CDH4: variants seen among roughly 807,000 people sequenced by gnomAD.
The protein encoded by CDH4 is cadherin-4.
Under a neutral mutation model 86.0 loss-of-function variants are expected in CDH4, and 33 were observed. That is an observed-to-expected ratio of 0.38 (90% CI 0.29 to 0.51). CDH4 has a LOEUF of 0.51. Ranked by LOEUF, CDH4 falls within the 20% of genes least tolerant of loss-of-function variation. The pLI is 0.86. For missense variants in CDH4, 1,114 were observed against 1,307.4 expected (o/e 0.85, Z 2.28); for synonymous variants, 555 against 549.4 (o/e 1.01, Z -0.14).
chr20:61,907,807 T>G lies in CDH4; in HGVS notation c.1189-2615T>G, dbSNP rs377603236. On this transcript the variant is annotated intron_variant, in intron 8 of 15. Transcript: ENST00000614565. ...GTCCCACACTAGACATCGGGAGTGG[T>G]GGGGGCGGTAGCTGTCCACTCTGGA... is the stretch of plus-strand genomic sequence containing the variant. Among the ~76,000 whole-genome samples, 5 of 152,190 alleles carry G rather than the reference T, an allele frequency of 3.3e-5. No individual in the cohort carries two copies. The East Asian group carries it at 9.7e-4, about 29-fold the overall frequency.
Position 61,408,570 on chromosome 20 carries a change from G to T in CDH4, c.169+153633G>T, listed in dbSNP as rs187238525. Among the ~76,000 whole-genome samples, 81 of 152,282 alleles carry T rather than the reference G, an allele frequency of 5.3e-4. 1 individual carries two copies. The highest frequency in any genetic ancestry group is 6.8e-3 in the Middle Eastern group (2 of 294). ...AGATGTTGCATTGCCTGTGTGTAGT[G>T]CCCCTGTGCTCAGAGGGTGAACAAA... On this transcript the variant is annotated intron_variant, in intron 2 of 15. Transcript: ENST00000614565.
At chr20:61,573,591 C>T (rs1419767813) in intron 2 of CDH4, among the ~76,000 whole-genome samples, 1 of 152,126 alleles carries the variant, frequency 6.6e-6, no homozygotes, top group East Asian at 1.9e-4. Flanking sequence ...GTGGGCACCC[C>T]AGGGCCATCC....
intron 2 of CDH4, among the ~76,000 whole-genome samples, chr20:61,507,196 A>G (rs2085747099): frequency 1.3e-5 from 2 of 152,204 alleles, no homozygotes; most frequent in Admixed American, 6.5e-5. Flanking sequence ...ATAAATATAT[A>G]CATCTTCCCC....
chr20:61,829,694 A>G lies in CDH4; in HGVS notation c.577-14974A>G, dbSNP rs1396870114. ...ACGGACTTGGACTCCAGGAGCCCCCAGGAGGCTCCCTCTGTGCCGACGCCC... is the reference window on the plus strand; with the variant it reads ...ACGGACTTGGACTCCAGGAGCCCCCGGGAGGCTCCCTCTGTGCCGACGCCC... On this transcript the variant is annotated intron_variant, in intron 4 of 15. Transcript: ENST00000614565. This position sits in a 1 kb window ranked among gnomAD's most constrained non-coding sequence, Gnocchi z 4.2. Among the ~76,000 whole-genome samples the G allele has an allele frequency of 6.6e-6, 1 of 152,140 alleles. No individual in the cohort carries two copies. Among genetic ancestry groups the G allele is most frequent in the African/African-American group, 2.4e-5 (1 of 41,438 alleles).
At chr20:61,343,444 T>C (rs931027382) in intron 2 of CDH4, among the ~76,000 whole-genome samples, 4 of 152,238 alleles carry the variant, frequency 2.6e-5, no homozygotes, top group African/African-American at 9.6e-5. Context: ...AATGTGTGTG[T>C]GCATGGGTGT....
intron 2 of CDH4, among the ~76,000 whole-genome samples, chr20:61,457,887 C>T: frequency 7.0e-6 from 1 of 143,152 alleles, no homozygotes. Context: ...ATGACTGACA[C>T]TAGTGGTGGT....
At chr20:61,653,470 T>G in intron 2 of CDH4, among the ~76,000 whole-genome samples, 1 of 132,948 alleles carries the variant, frequency 7.5e-6, no homozygotes. Flanking sequence ...CCAGACGGGG[T>G]CGTGGCCGGG....
rs2055239023 is a variant in CDH4, at chr20:61,939,570, C to T, written c.*2627C>T. 6.6e-6 allele frequency: 1 copy of T among 152,400 alleles called. No individual in the cohort carries two copies. The highest frequency in any genetic ancestry group is 2.4e-5 in the African/African-American group (1 of 41,484). The allele number at this position is 152,400 out of a possible 1,614,324, so 9.4% of individuals were successfully genotyped here. On this transcript the variant is annotated 3_prime_UTR_variant, in exon 16 of 16. Coordinates refer to ENST00000614565, the MANE Select transcript of CDH4 (RefSeq NM_001794.5). ...TGGGGTTCCTGCACCTTCCCAGCTC[C>T]ACCTCTGAACTTGAGTTAGCGTTAG...
rs1237526933 is a variant in CDH4 at position 61,510,526 on chromosome 20, ACCACTGTCTACTGCC to A, written c.170-233033_170-233019del. 6.6e-6 allele frequency among the ~76,000 whole-genome samples: 1 copy of A among 152,210 alleles called. No individual in the cohort carries two copies. Among genetic ancestry groups the A allele is most frequent in the African/African-American group, 2.4e-5 (1 of 41,458 alleles). On this transcript the variant is annotated intron_variant, in intron 2 of 15. Coordinates refer to ENST00000614565, the MANE Select transcript of CDH4 (RefSeq NM_001794.5). This position sits in a 1 kb window ranked among gnomAD's most constrained non-coding sequence, Gnocchi z 4.2. ...AGAGATTCGTTCCACATAAAATGCA[ACCACTGTCTACTGCC>A]CCAGGAATGGCCCACGGGTGTCGGG... is the stretch of plus-strand genomic sequence containing the variant.
intron 2 of CDH4, among the ~76,000 whole-genome samples, chr20:61,445,639 T>C (rs905927043): frequency 6.6e-6 from 1 of 152,228 alleles, no homozygotes; most frequent in Non-Finnish European, 1.5e-5. Context: ...ATTCTACTTT[T>C]AGTTCTAGAG....
chr20:61,907,549 A>T (rs1345127474), intron 8 of CDH4, among the ~76,000 whole-genome samples: 2 of 152,200 alleles, frequency 1.3e-5, no homozygotes, highest in African/African-American at 2.4e-5. Context: ...CCATGCCATG[A>T]TGCCTTGCAG....
chr20:61,838,822 T>TAAAA (rs11412264), intron 4 of CDH4, among the ~76,000 whole-genome samples: 1 of 123,466 alleles, frequency 8.1e-6, no homozygotes, highest in African/African-American at 3.4e-5. Context: ...AGACCCTGTC[T>TAAAA]AAAAAAAAAA....
chr20:61,777,928 A>G (rs1439882548), intron 4 of CDH4, among the ~76,000 whole-genome samples: 1 of 151,268 alleles, frequency 6.6e-6, no homozygotes, highest in East Asian at 2.0e-4. Context: ...ACATGTGCAT[A>G]CACGTGCATA....
chr20:61,801,042 G>C (rs1232120258), intron 4 of CDH4, among the ~76,000 whole-genome samples: 2 of 152,150 alleles, frequency 1.3e-5, no homozygotes, highest in African/African-American at 2.4e-5. Flanking sequence ...GTCAGTTTGG[G>C]CACTGCAACC....
intron 2 of CDH4, among the ~76,000 whole-genome samples, chr20:61,439,291 A>G (rs1264684501): frequency 6.6e-6 from 1 of 152,166 alleles, no homozygotes; most frequent in East Asian, 1.9e-4. Flanking sequence ...TTTCGGTTGT[A>G]CAGTGTGACA....
Position 61,259,742 on chromosome 20 carries a change from C to T in CDH4, c.169+4805C>T, listed in dbSNP as rs76816832. Among the ~76,000 whole-genome samples the T allele has an allele frequency of 0.016, 2,512 of 152,322 alleles. 121 individuals carry two copies. The East Asian group carries it at 0.17, about 11-fold the overall frequency. ...GGCTGACAATGTGCCCTGTTTAATA[C>T]ACCTCTAGACTCATTTACACCAATG... On this transcript the variant is annotated intron_variant, in intron 2 of 15. Coordinates refer to ENST00000614565, the MANE Select transcript of CDH4 (RefSeq NM_001794.5).
chr20:61,379,501 C>G (rs1317969424), intron 2 of CDH4, among the ~76,000 whole-genome samples: 1 of 151,922 alleles, frequency 6.6e-6, no homozygotes, highest in Non-Finnish European at 1.5e-5. Context: ...TCCTGAAGGT[C>G]ATTAAGAAAA....
At chr20:61,728,731 A>T (rs372708110) in intron 2 of CDH4, among the ~76,000 whole-genome samples, 161 of 152,352 alleles carry the variant, frequency 1.1e-3, no homozygotes, top group African/African-American at 3.6e-3. Context: ...GTATGAGTGA[A>T]GATTCAGGAA....
rs142965282 is a variant in CDH4, at chr20:61,866,727, G to A, written c.878-7001G>A. ...CTCATTGTGCCTTTAGATGTTTCCC[G>A]GTGAGCGTGTGCTAGTTATCATGAG... On this transcript the variant is annotated intron_variant, in intron 6 of 15. Coordinates refer to ENST00000614565, the MANE Select transcript of CDH4 (RefSeq NM_001794.5). 1.9e-4 allele frequency among the ~76,000 whole-genome samples: 29 copies of A among 152,280 alleles called. No homozygotes were observed. The East Asian group carries it at 4.2e-3, about 22-fold the overall frequency.
Sources: allele counts gnomAD v4.1 joint callset (sites outside exome capture counted in the v4.1 genomes callset), GRCh38; gene constraint gnomAD v4.1.1; non-coding constraint Gnocchi (gnomAD v3.1); transcripts MANE v1.5; gene names NCBI Gene and HGNC (gene_info 2026-07-23, HGNC 2026-07-21).